Variants in PGM2L1 observed in about 807,000 individuals in gnomAD.
The protein encoded by PGM2L1 is glucose 1,6-bisphosphate synthase.
A neutral mutation model predicts 73.4 loss-of-function variants in PGM2L1; 35 were observed. That is an observed-to-expected ratio of 0.48 (90% CI 0.36 to 0.63). The LOEUF (loss-of-function observed/expected upper bound fraction) is 0.63. Among genes scored for constraint, PGM2L1 ranks in the 30% least tolerant of loss-of-function variants. PGM2L1 has a pLI of 0.00. For synonymous variants in PGM2L1, 225 were observed against 253.8 expected (o/e 0.89, Z 1.08); for missense variants, 570 against 742.0 (o/e 0.77, Z 2.69).
intron 1 of PGM2L1, among the ~76,000 whole-genome samples, chr11:74,392,988 T>C (rs1430320549): frequency 1.3e-5 from 2 of 152,212 alleles, no homozygotes; most frequent in African/African-American, 4.8e-5. Flanking sequence ...TTTTACCACT[T>C]AAAAGCCGTA....
At chr11:74,355,042 C>A in intron 5 of PGM2L1, 1 of 1,322,098 alleles carries the variant, frequency 7.6e-7, no homozygotes, top group Non-Finnish European at 1.1e-6. Flanking sequence ...CGAAGTGGCT[C>A]TGGAAACTTT....
intron 8 of PGM2L1, among the ~76,000 whole-genome samples, 178 bp downstream of exon 8, chr11:74,346,551 AATT>A (rs1434469888): frequency 1.3e-5 from 2 of 152,194 alleles, no homozygotes; most frequent in Non-Finnish European, 2.9e-5. Flanking sequence ...TAAATATTTC[AATT>A]TAAAAGACAG....
At position 74,339,810 on chromosome 11, in the gene PGM2L1, G is replaced by A. The variant is rs78505071; in HGVS notation, c.1633-1209C>T. On this transcript the variant is annotated intron_variant, in intron 12 of 13. Transcript: ENST00000298198. Reference sequence around the variant, plus strand: ...AAGAGAATATGCTTTTTCATCTCTGGACCTTGTACTTACTGTTCCCTTTGC... The same window carrying A: ...AAGAGAATATGCTTTTTCATCTCTGAACCTTGTACTTACTGTTCCCTTTGC... Among the ~76,000 whole-genome samples, 752 of 152,130 alleles carry A rather than the reference G, an allele frequency of 4.9e-3. 5 individuals carry two copies. Among genetic ancestry groups the A allele is most frequent in the Non-Finnish European group, 8.6e-3 (585 of 67,980 alleles).
chr11:74,397,875 T>C, intron 1 of PGM2L1, 176 bp downstream of exon 1: 1 of 1,151,678 alleles, frequency 8.7e-7, no homozygotes, highest in Non-Finnish European at 1.1e-6. Context: ...CGCCCGGCTC[T>C]GGCAGTCCGA....
chr11:74,388,735 C>G (rs1057051089), intron 1 of PGM2L1, among the ~76,000 whole-genome samples: 5 of 152,150 alleles, frequency 3.3e-5, no homozygotes, highest in Non-Finnish European at 5.9e-5. Context: ...GTAAGATACA[C>G]TCCTCATTAA....
chr11:74,367,317 T>G (rs188623376), intron 5 of PGM2L1, among the ~76,000 whole-genome samples: 4 of 152,302 alleles, frequency 2.6e-5, no homozygotes, highest in Admixed American at 2.6e-4. Context: ...AGATGTGGGT[T>G]CTTGGCTTTC....
intron 2 of PGM2L1, among the ~76,000 whole-genome samples, chr11:74,373,043 C>T (rs987321990): frequency 4.6e-5 from 7 of 151,876 alleles, no homozygotes; most frequent in Admixed American, 2.6e-4. Context: ...ATGACCAAAA[C>T]CTCAATTACT....
chr11:74,389,331 G>A (rs1307157345), intron 1 of PGM2L1, among the ~76,000 whole-genome samples: 1 of 152,122 alleles, frequency 6.6e-6, no homozygotes, highest in Non-Finnish European at 1.5e-5. Flanking sequence ...TTAATTCAAT[G>A]TATCTCACAA....
chr11:74,346,270 CAAAAAAAAAAAA>C (rs751742460), intron 8 of PGM2L1, among the ~76,000 whole-genome samples: 4 of 57,880 alleles, frequency 6.9e-5, no homozygotes, highest in African/African-American at 2.1e-4. Flanking sequence ...ACTATGTCTC[CAAAAAAAAAAAA>C]AAAAAAAAAA....
intron 12 of PGM2L1, among the ~76,000 whole-genome samples, 177 bp downstream of exon 12, chr11:74,342,284 C>T (rs573394162): frequency 1.3e-5 from 2 of 152,240 alleles, no homozygotes; most frequent in East Asian, 3.9e-4. Flanking sequence ...ACCCCTAGTA[C>T]ATTGCCCTAT....
chr11:74,379,195 G>C (rs1025206585), intron 1 of PGM2L1, among the ~76,000 whole-genome samples: 2 of 152,146 alleles, frequency 1.3e-5, no homozygotes, highest in Non-Finnish European at 2.9e-5. Flanking sequence ...CATCGCAGAA[G>C]GGAAGGATAG....
intron 5 of PGM2L1, chr11:74,355,553 CAAAAAAAA>C (rs547652950): frequency 2.9e-4 from 33 of 114,244 alleles, no homozygotes; most frequent in Admixed American, 1.0e-3. Context: ...GACTCCGTCT[CAAAAAAAA>C]AAAAAAAAAA....
intron 1 of PGM2L1, among the ~76,000 whole-genome samples, chr11:74,384,588 A>T (rs1401883935): frequency 4.0e-5 from 6 of 151,764 alleles, no homozygotes; most frequent in African/African-American, 1.4e-4. Flanking sequence ...AATATTAGGT[A>T]TTATATTTAA....
chr11:74,351,315 A>T, intron 6 of PGM2L1, 68 bp downstream of exon 6: 1 of 1,412,448 alleles, frequency 7.1e-7, no homozygotes, highest in Admixed American at 2.2e-5. Flanking sequence ...ACTTTTTATC[A>T]CTTTTTATTC....
At chr11:74,353,987 G>A (rs1171638146) in intron 5 of PGM2L1, among the ~76,000 whole-genome samples, 1 of 151,878 alleles carries the variant, frequency 6.6e-6, no homozygotes, top group African/African-American at 2.4e-5. Flanking sequence ...GAAAGCTCAC[G>A]TGAAAATTTA....
chr11:74,351,313 T>A lies in PGM2L1; in HGVS notation c.749+70A>T, dbSNP rs892844293. ...TCTAATAAATAGACAACACTTTTTA[T>A]CACTTTTTATTCTCCTCATTCTTTA... On this transcript the variant is annotated intron_variant, in intron 6 of 13. Transcript: ENST00000298198. The A allele has an allele frequency of 4.3e-6, 6 of 1,392,548 alleles. No homozygotes were observed. In the Admixed American group the frequency reaches 1.3e-4, roughly 31 times the overall value. The allele number at this position is 1,392,548 out of a possible 1,614,324, so 86.3% of individuals were successfully genotyped here.
rs985442141 is a variant in PGM2L1, at chr11:74,351,479, T to C, written c.653A>G (p.Asn218Ser). 6.2e-7 allele frequency: 1 copy of C among 1,613,896 alleles called. No individual in the cohort carries two copies. Among genetic ancestry groups the C allele is most frequent in the Non-Finnish European group, 8.5e-7 (1 of 1,179,930 alleles). ...CGGGCTGGTATCCACTAAATTATCA[T>C]TCCAGGAACCATTCCAGGGTTCCAC... The part of the protein sequence containing the change: ...ECVEPWNGSW[N>S]DNLVDTSPLK... Residue 218 changes from asparagine (N) to serine (S), a missense_variant, in exon 6 of 14, where the codon AAT becomes AGT. Physicochemically the swap from Asn to Ser is conservative, Grantham distance 46. Transcript: ENST00000298198.
chr11:74,339,149 G>A (rs1437841492), intron 12 of PGM2L1, among the ~76,000 whole-genome samples: 2 of 152,118 alleles, frequency 1.3e-5, no homozygotes, highest in Non-Finnish European at 2.9e-5. Flanking sequence ...TCAACTAAGT[G>A]GTAGAACAAG....
chr11:74,372,815 G>T (rs1862790969), intron 2 of PGM2L1, among the ~76,000 whole-genome samples: 1 of 152,186 alleles, frequency 6.6e-6, no homozygotes, highest in Non-Finnish European at 1.5e-5. Context: ...GACTTCTGGT[G>T]CCTGAGTCTC....
Sources: allele counts gnomAD v4.1 joint callset (sites outside exome capture counted in the v4.1 genomes callset), GRCh38; gene constraint gnomAD v4.1.1; transcripts MANE v1.5; gene names NCBI Gene and HGNC (gene_info 2026-07-23, HGNC 2026-07-21).